Variants in NOL4 observed in about 807,000 individuals in gnomAD.
NOL4 encodes nucleolar protein 4, also known as cancer/testis antigen 125.
In NOL4, 17 loss-of-function variants were observed where a neutral mutation model predicts 75.9. The observed-to-expected ratio is 0.22, with a 90% confidence interval of 0.15 to 0.34. The LOEUF is 0.34. NOL4 is among the 10% of genes least tolerant of loss of function. The pLI is 1.00. For synonymous variants in NOL4, 292 were observed against 289.9 expected (o/e 1.01, Z -0.07); for missense variants, 614 against 793.5 (o/e 0.77, Z 2.72).
chr18:33,909,806 G>A (rs2145120784), intron 9 of NOL4, among the ~76,000 whole-genome samples: 1 of 151,978 alleles, frequency 6.6e-6, no homozygotes, highest in East Asian at 1.9e-4. Flanking sequence ...TGCGAAGGAA[G>A]GATAGGCAAG....
At chr18:34,197,643 C>T (rs1408524968) in intron 1 of NOL4, among the ~76,000 whole-genome samples, 1 of 151,856 alleles carries the variant, frequency 6.6e-6, no homozygotes, top group Non-Finnish European at 1.5e-5. Flanking sequence ...AGGAGACATG[C>T]TGTAAAAAGT....
chr18:34,009,037 A>G (rs2074221215), intron 6 of NOL4, among the ~76,000 whole-genome samples: 1 of 151,818 alleles, frequency 6.6e-6, no homozygotes, highest in African/African-American at 2.4e-5. Flanking sequence ...TTCCTCATGG[A>G]TCTTCCCCTC....
chr18:34,047,128 G>A (rs751341277), intron 5 of NOL4, among the ~76,000 whole-genome samples: 1 of 152,008 alleles, frequency 6.6e-6, no homozygotes, highest in African/African-American at 2.4e-5. Flanking sequence ...TAATATACCT[G>A]TTCAACTCTA....
chr18:34,049,194 G>T (rs559201902), intron 5 of NOL4, among the ~76,000 whole-genome samples: 1 of 150,766 alleles, frequency 6.6e-6, no homozygotes, highest in African/African-American at 2.4e-5. Flanking sequence ...GCTAACAAAA[G>T]CAAATCCTGC....
chr18:33,940,768 T>C (rs2068424409), intron 9 of NOL4, among the ~76,000 whole-genome samples: 1 of 151,960 alleles, frequency 6.6e-6, no homozygotes, highest in African/African-American at 2.4e-5. Context: ...GAGATATTAT[T>C]GGATATCCTC....
intron 5 of NOL4, among the ~76,000 whole-genome samples, chr18:34,034,215 C>A (rs1031382449): frequency 1.3e-5 from 2 of 152,078 alleles, no homozygotes; most frequent in African/African-American, 4.8e-5. Flanking sequence ...AATAAAGGAA[C>A]AAAGAATATA....
intron 10 of NOL4, among the ~76,000 whole-genome samples, chr18:33,853,494 T>C (rs896378123): frequency 2.6e-5 from 4 of 152,100 alleles, no homozygotes. Context: ...TACAAACTAG[T>C]CAACTTAGCA....
intron 9 of NOL4, among the ~76,000 whole-genome samples, chr18:33,933,583 G>C (rs1416561019): frequency 6.6e-6 from 1 of 152,126 alleles, no homozygotes; most frequent in Non-Finnish European, 1.5e-5. Context: ...TTATTCAACA[G>C]AATTCACAGC....
rs553938165 is a variant in NOL4 at position 33,967,862 on chromosome 18, C to T, written c.1057-9444G>A. On this transcript the variant is annotated intron_variant, in intron 6 of 10. Transcript: ENST00000261592. ...CCAGCACTTGGGGGGCCGAGGCAGG[C>T]GGATCACAAGATTAGGAATTTGAGA... is the stretch of plus-strand genomic sequence containing the variant. Among the ~76,000 whole-genome samples, 19 of 152,056 alleles carry T rather than the reference C, an allele frequency of 1.2e-4. 1 individual carries two copies. In the South Asian group the frequency reaches 1.9e-3, roughly 15 times the overall value.
intron 10 of NOL4, among the ~76,000 whole-genome samples, chr18:33,858,643 TA>T (rs1454247707): frequency 2.6e-5 from 4 of 152,086 alleles, no homozygotes; most frequent in Non-Finnish European, 5.9e-5. Context: ...GCCTTTCTAA[TA>T]CTCTTTTTGA....
At chr18:34,137,779 TACAC>T (rs1156472289) in intron 1 of NOL4, among the ~76,000 whole-genome samples, 21 of 147,152 alleles carry the variant, frequency 1.4e-4, no homozygotes, top group South Asian at 6.6e-4. Context: ...ATATACGAAA[TACAC>T]ACACACACAC....
At chr18:33,877,438 A>T (rs1044760301) in intron 10 of NOL4, among the ~76,000 whole-genome samples, 3 of 81,022 alleles carry the variant, frequency 3.7e-5, no homozygotes, top group Non-Finnish European at 5.3e-5. Flanking sequence ...ACCTTGCCTT[A>T]AAAAAAAAAA....
chr18:34,038,689 T>C (rs542887951), intron 5 of NOL4, among the ~76,000 whole-genome samples: 24 of 152,014 alleles, frequency 1.6e-4, no homozygotes, highest in Non-Finnish European at 1.6e-4. Context: ...AAAAACTTAG[T>C]ATCATGGTGA....
At chr18:33,888,393 C>G (rs2064891811) in intron 9 of NOL4, among the ~76,000 whole-genome samples, 1 of 152,062 alleles carries the variant, frequency 6.6e-6, no homozygotes, top group Admixed American at 6.6e-5. Context: ...ATTATAGTTT[C>G]TTTTGCTGTG....
intron 9 of NOL4, among the ~76,000 whole-genome samples, chr18:33,890,161 C>G (rs137967181): frequency 0.16 from 23,733 of 152,130 alleles, 2,091 homozygotes; most frequent in Non-Finnish European, 0.21. Context: ...CCAAAATCTC[C>G]TTAAGCTGAT....
At chr18:34,140,609 C>T (rs1044715067) in intron 1 of NOL4, among the ~76,000 whole-genome samples, 9 of 152,258 alleles carry the variant, frequency 5.9e-5, no homozygotes, top group African/African-American at 2.2e-4. Flanking sequence ...ATAGAGCACA[C>T]TGATGGGTCT....
Position 34,019,617 on chromosome 18 carries a change from A to G in NOL4, c.773-16T>C, listed in dbSNP as rs1397160821. ...GCAGAATCATCTGTTGGAAAGGAAAAGTTATATTTTGATTTTAATTAATAT... is the reference window on the plus strand; with the variant it reads ...GCAGAATCATCTGTTGGAAAGGAAAGGTTATATTTTGATTTTAATTAATAT... On this transcript the variant is annotated splice_polypyrimidine_tract_variant and intron_variant, in intron 5 of 10. Transcript: ENST00000261592. 1 of 1,601,418 alleles carries G rather than the reference A, an allele frequency of 6.2e-7. No individual in the cohort carries two copies. The highest frequency in any genetic ancestry group is 1.1e-5 in the South Asian group (1 of 89,764).
intron 9 of NOL4, among the ~76,000 whole-genome samples, chr18:33,886,175 G>A (rs1434556444): frequency 6.6e-6 from 1 of 152,048 alleles, no homozygotes; most frequent in Non-Finnish European, 1.5e-5. Flanking sequence ...GGCTAGGAAG[G>A]GGAGTGAGGG....
intron 2 of NOL4, among the ~76,000 whole-genome samples, chr18:34,117,752 A>C (rs2079928694): frequency 6.6e-6 from 1 of 152,202 alleles, no homozygotes; most frequent in Non-Finnish European, 1.5e-5. Context: ...TAGGAGAGGA[A>C]TGTAAATAAC....
Sources: allele counts gnomAD v4.1 joint callset (sites outside exome capture counted in the v4.1 genomes callset), GRCh38; gene constraint gnomAD v4.1.1; transcripts MANE v1.5; gene names NCBI Gene and HGNC (gene_info 2026-07-23, HGNC 2026-07-21).